OXR1: variants seen among roughly 807,000 people sequenced by gnomAD.
OXR1 encodes oxidation resistance 1.
In OXR1, 41 loss-of-function variants were observed where a neutral mutation model predicts 104.6. That is an observed-to-expected ratio of 0.39 (90% CI 0.31 to 0.51). OXR1 has a LOEUF of 0.51. OXR1 is among the 20% of genes least tolerant of loss of function. The pLI is 0.77. For missense variants in OXR1, 955 were observed against 1,031.9 expected (o/e 0.93, Z 1.02); for synonymous variants, 348 against 348.4 (o/e 1.00, Z 0.01).
chr8:106,736,469 G>A (rs1834386618), intron 11 of OXR1, among the ~76,000 whole-genome samples: 1 of 152,130 alleles, frequency 6.6e-6, no homozygotes, highest in Non-Finnish European at 1.5e-5. Flanking sequence ...GAGCCAGTTG[G>A]ATTAACTCAT....
intron 3 of OXR1, among the ~76,000 whole-genome samples, chr8:106,525,672 G>T (rs1256171358): frequency 1.3e-5 from 2 of 152,176 alleles, no homozygotes; most frequent in Non-Finnish European, 2.9e-5. Flanking sequence ...GGTCCAAAAG[G>T]GGGGCTCCTC....
chr8:106,385,049 G>A (rs932601357), intron 2 of OXR1, among the ~76,000 whole-genome samples: 2 of 152,284 alleles, frequency 1.3e-5, no homozygotes, highest in Non-Finnish European at 2.9e-5. Context: ...TAATATTAAA[G>A]AGCATTTTGT....
At chr8:106,439,315 C>A (rs1256745280) in intron 2 of OXR1, among the ~76,000 whole-genome samples, 2 of 151,976 alleles carry the variant, frequency 1.3e-5, no homozygotes, top group Non-Finnish European at 2.9e-5. Context: ...AAGAAGGTAT[C>A]TCTCTGGAAA....
intron 11 of OXR1, among the ~76,000 whole-genome samples, chr8:106,730,077 T>G (rs1432411426): frequency 6.6e-6 from 1 of 152,110 alleles, no homozygotes; most frequent in Non-Finnish European, 1.5e-5. Context: ...TTAATTATAA[T>G]AGATTTCATT....
At chr8:106,551,721 G>T (rs2130414608) in intron 3 of OXR1, among the ~76,000 whole-genome samples, 1 of 151,036 alleles carries the variant, frequency 6.6e-6, no homozygotes, top group African/African-American at 2.4e-5. Context: ...GCTGAGGCGG[G>T]AGGATCACTT....
In OXR1 at chr8:106,739,515, G is replaced by A. The variant is rs187496242; in HGVS notation, c.2095G>A (p.Glu699Lys). The change falls in exon 13 of 17, where the codon GAG becomes AAG. Residue 699 changes from glutamate to lysine, a missense_variant. By Grantham distance (56) the Glu-to-Lys change is moderately conservative (BLOSUM62 1). Transcript: ENST00000517566. ...GGTTGCTACAGTGAAAGCAGACCTG[G>A]AGTCTGAATCTTTTCGACCAAACCT... The part of the protein sequence containing the change: ...KQVATVKADL[E>K]SESFRPNLSD... 5.1e-5 allele frequency: 83 copies of A among 1,612,646 alleles called. No individual in the cohort carries two copies. Among genetic ancestry groups the A allele is most frequent in the Non-Finnish European group, 7.0e-5 (82 of 1,178,876 alleles).
At chr8:106,735,478 CT>C (rs1834285387) in intron 11 of OXR1, among the ~76,000 whole-genome samples, 1 of 152,076 alleles carries the variant, frequency 6.6e-6, no homozygotes, top group African/African-American at 2.4e-5. Context: ...TGACTGATCT[CT>C]TTTGTAAGCA....
intron 1 of OXR1, among the ~76,000 whole-genome samples, chr8:106,276,910 A>C (rs576252121): frequency 6.6e-6 from 1 of 152,314 alleles, no homozygotes; most frequent in Non-Finnish European, 1.5e-5. Flanking sequence ...AACCAAACAA[A>C]ACCATATGCA....
chr8:106,398,000 T>G (rs1161791489), intron 2 of OXR1, among the ~76,000 whole-genome samples: 1 of 152,114 alleles, frequency 6.6e-6, no homozygotes, highest in Admixed American at 6.6e-5. Flanking sequence ...TTCTGTGCCT[T>G]GTAGATTAAT....
intron 2 of OXR1, among the ~76,000 whole-genome samples, chr8:106,438,648 C>T (rs2130582238): frequency 6.6e-6 from 1 of 152,166 alleles, no homozygotes; most frequent in Admixed American, 6.6e-5. Flanking sequence ...GAAAGTAGTG[C>T]TGTTCTCACA....
At chr8:106,324,614 C>T (rs1403181178) in intron 1 of OXR1, among the ~76,000 whole-genome samples, 2 of 151,590 alleles carry the variant, frequency 1.3e-5, no homozygotes, top group East Asian at 1.9e-4. Context: ...CCTTGGGTAC[C>T]GTGAAATTTC....
chr8:106,396,094 CATACATACATAA>C (rs1817769507), intron 2 of OXR1, among the ~76,000 whole-genome samples: 1 of 91,018 alleles, frequency 1.1e-5, no homozygotes, highest in African/African-American at 3.9e-5. Flanking sequence ...TACATACATA[CATACATACATAA>C]ATACATAAAT....
chr8:106,548,617 ACT>A (rs1237492192), intron 3 of OXR1, among the ~76,000 whole-genome samples: 3 of 152,172 alleles, frequency 2.0e-5, no homozygotes, highest in Admixed American at 6.5e-5. Context: ...AGTAGTTTAC[ACT>A]CTCTTGCTCA....
intron 3 of OXR1, among the ~76,000 whole-genome samples, chr8:106,586,509 G>A (rs1487344382): frequency 6.6e-6 from 1 of 152,280 alleles, no homozygotes; most frequent in East Asian, 1.9e-4. Flanking sequence ...TCTCTAAATT[G>A]AGAAATGGAA....
intron 2 of OXR1, among the ~76,000 whole-genome samples, chr8:106,502,827 G>C (rs1811899769): frequency 6.6e-6 from 1 of 151,922 alleles, no homozygotes; most frequent in African/African-American, 2.4e-5. Context: ...TTCTCTTATT[G>C]TAATTATTCT....
intron 2 of OXR1, chr8:106,447,936 A>G: frequency 1.3e-6 from 2 of 1,533,950 alleles, no homozygotes; most frequent in Non-Finnish European, 1.7e-6. Context: ...CGAGACATCT[A>G]GTACGGGGCT....
At chr8:106,419,779 G>A (rs1347584368) in intron 2 of OXR1, among the ~76,000 whole-genome samples, 1 of 152,076 alleles carries the variant, frequency 6.6e-6, no homozygotes, top group Non-Finnish European at 1.5e-5. Flanking sequence ...AGTATTAGCT[G>A]ACAGTTTTAT....
chr8:106,732,669 A>G (rs979085195), intron 11 of OXR1, among the ~76,000 whole-genome samples: 3 of 152,134 alleles, frequency 2.0e-5, no homozygotes, highest in Non-Finnish European at 2.9e-5. Flanking sequence ...ATGTTGATGT[A>G]ATAGATTACA....
intron 3 of OXR1, among the ~76,000 whole-genome samples, chr8:106,551,789 C>CATAT (rs200289561): frequency 0.051 from 6,497 of 127,150 alleles, 213 homozygotes; most frequent in Middle Eastern, 0.11. Context: ...CTCCACTATA[C>CATAT]ATATATATAT....
Sources: allele counts gnomAD v4.1 joint callset (sites outside exome capture counted in the v4.1 genomes callset), GRCh38; gene constraint gnomAD v4.1.1; transcripts MANE v1.5; gene names NCBI Gene and HGNC (gene_info 2026-07-23, HGNC 2026-07-21).